The following KIF13B variants were observed in gnomAD, a reference collection of about 807,000 sequenced individuals.
KIF13B encodes kinesin-like protein KIF13B.
Under a neutral mutation model 222.0 loss-of-function variants are expected in KIF13B, and 127 were observed. The observed-to-expected ratio is 0.57, with a 90% CI of 0.50 to 0.66. KIF13B has a LOEUF of 0.66. Ranked by LOEUF, KIF13B falls within the 30% of genes least tolerant of loss-of-function variation. The probability of loss-of-function intolerance (pLI) is 0.00; values close to 1 mark genes in which losing one functional copy is unlikely to be tolerated. For missense variants in KIF13B, 2,173 were observed against 2,379.0 expected, an observed-to-expected ratio of 0.91 and a Z score of 1.80; for synonymous variants, 976 against 919.0, an observed-to-expected ratio of 1.06 and a Z score of -1.12.
intron 11 of KIF13B, among the ~76,000 whole-genome samples, chr8:29,166,522 T>G (rs573422917): frequency 5.9e-5 from 9 of 152,024 alleles, no homozygotes; most frequent in Admixed American, 2.0e-4. Flanking sequence ...CTGACCAACA[T>G]GGAGAAACCC....
At chr8:29,216,945 GA>G (rs1186124735) in intron 2 of KIF13B, among the ~76,000 whole-genome samples, 10 of 150,586 alleles carry the variant, frequency 6.6e-5, no homozygotes, top group African/African-American at 2.5e-4. Flanking sequence ...TGTGTCCATC[GA>G]CGTATATTCA....
intron 2 of KIF13B, among the ~76,000 whole-genome samples, chr8:29,213,437 A>G (rs747510994): frequency 7.9e-5 from 12 of 152,236 alleles, no homozygotes; most frequent in Non-Finnish European, 1.6e-4. Context: ...GTCCACAATT[A>G]AATACAGGCA....
intron 13 of KIF13B, among the ~76,000 whole-genome samples, chr8:29,159,555 T>C (rs1226222950): frequency 6.6e-6 from 1 of 152,222 alleles, no homozygotes; most frequent in Non-Finnish European, 1.5e-5. Context: ...TGTATAGTGC[T>C]TCTGTTTACG....
At chr8:29,115,742 C>T (rs1315146646) in intron 31 of KIF13B, among the ~76,000 whole-genome samples, 1 of 152,224 alleles carries the variant, frequency 6.6e-6, no homozygotes, top group African/African-American at 2.4e-5. Flanking sequence ...ACCCCCAGCA[C>T]ATGGAGCTCC....
intron 15 of KIF13B, among the ~76,000 whole-genome samples, chr8:29,149,545 C>A (rs1460605737): frequency 2.0e-5 from 3 of 152,144 alleles, no homozygotes; most frequent in Admixed American, 6.5e-5. Flanking sequence ...CTTTCTCAGC[C>A]CCCTTTGTAG....
At chr8:29,158,003 G>A (rs989529239) in intron 13 of KIF13B, among the ~76,000 whole-genome samples, 1 of 151,988 alleles carries the variant, frequency 6.6e-6, no homozygotes, top group African/African-American at 2.4e-5. Context: ...CAGCTACATC[G>A]GCCTCCCATC....
intron 35 of KIF13B, among the ~76,000 whole-genome samples, chr8:29,104,116 A>G (rs1265921476): frequency 1.3e-5 from 2 of 151,948 alleles, no homozygotes; most frequent in Non-Finnish European, 1.5e-5. Flanking sequence ...CCGCCACCTC[A>G]GTGCACCTCA....
chr8:29,070,600 C>T lies in KIF13B; in HGVS notation c.5385G>A (p.Ser1795=), dbSNP rs1563674564. 1.6e-5 allele frequency: 26 copies of T among 1,593,818 alleles called. 1 individual carries two copies. The South Asian group carries it at 2.0e-4, about 12-fold the overall frequency. Residue 1795 remains serine, a synonymous_variant, in exon 40 of 40, where the codon TCG becomes TCA. Transcript: ENST00000524189. The surrounding 1 kb of genome is among the most constrained non-coding windows in gnomAD (Gnocchi z 4.1). ...GCGAGGCCAGGTTGGTGGCGGAGCC[C>T]GAGAGGGTGGCGCTCCGGCGGGCCT... ...APEARRSATL[S]GSATNLASLT...
intron 15 of KIF13B, among the ~76,000 whole-genome samples, 183 bp from the exon 16 acceptor site, chr8:29,148,950 C>G (rs922445300): frequency 2.0e-5 from 3 of 152,140 alleles, no homozygotes; most frequent in Non-Finnish European, 4.4e-5. Context: ...CAAAAACTTA[C>G]AACAGAAAGT....
At chr8:29,112,313 A>C (rs570138574) in intron 32 of KIF13B, among the ~76,000 whole-genome samples, 12 of 151,704 alleles carry the variant, frequency 7.9e-5, no homozygotes, top group Non-Finnish European at 1.0e-4. Context: ...CGTGCCTGTA[A>C]TCCCAGCTAC....
chr8:29,242,471 T>C (rs1350377209), intron 2 of KIF13B, among the ~76,000 whole-genome samples: 5 of 152,362 alleles, frequency 3.3e-5, no homozygotes, highest in East Asian at 3.9e-4. Context: ...TTTAGAAATA[T>C]ACTGCTGACA....
Position 29,191,074 on chromosome 8 carries a change from TAA to T in KIF13B, c.163-19_163-18del, listed in dbSNP as rs752449877. 5.7e-6 allele frequency: 9 copies of T among 1,590,542 alleles called. No individual in the cohort carries two copies. The African/African-American group carries it at 9.4e-5, about 17-fold the overall frequency. On this transcript the variant is annotated intron_variant, in intron 3 of 39. Coordinates refer to ENST00000524189, the MANE Select transcript of KIF13B (RefSeq NM_015254.4). Reference sequence around the variant, plus strand: ...AGCAAACACCTGTTGAAAATGAACATAAGTGTGTGTTAAGAAAACCTCAACAT... The same window carrying T: ...AGCAAACACCTGTTGAAAATGAACATGTGTGTGTTAAGAAAACCTCAACAT...
chr8:29,240,045 A>G (rs1586971816), intron 2 of KIF13B, among the ~76,000 whole-genome samples: 2 of 152,076 alleles, frequency 1.3e-5, no homozygotes, highest in South Asian at 2.1e-4. Context: ...AGGAAAAAAA[A>G]AAAAAGAAAG....
At chr8:29,117,896 G>A (rs1046607755) in intron 30 of KIF13B, among the ~76,000 whole-genome samples, 13 of 151,200 alleles carry the variant, frequency 8.6e-5, no homozygotes, top group African/African-American at 2.9e-4. Flanking sequence ...GGTGGCTCAT[G>A]TCTGTCATCC....
At chr8:29,148,500 C>T (rs766582936) in intron 16 of KIF13B, 77 bp downstream of exon 16, 17 of 1,106,672 alleles carry the variant, frequency 1.5e-5, no homozygotes, top group Non-Finnish European at 2.0e-5. Context: ...GCCTGGAACT[C>T]CTGGGCTCAA....
rs146356309 is a variant in KIF13B at position 29,190,744 on chromosome 8, C to T, written c.223+253G>A. 8.4e-4 allele frequency: 383 copies of T among 458,244 alleles called. 1 individual carries two copies. The highest frequency in any genetic ancestry group is 7.0e-3 in the East Asian group (170 of 24,184). The allele number at this position is 458,244 out of a possible 1,614,324, so 28.4% of individuals were successfully genotyped here. ...CTGAGCCCTCAGTCTGTGGATCTGA[C>T]GCTGTCCCCAGGTAGAGAGCATCGG... On this transcript the variant is annotated intron_variant, in intron 4 of 39. Transcript: ENST00000524189.
intron 2 of KIF13B, among the ~76,000 whole-genome samples, chr8:29,234,596 A>G (rs1743163310): frequency 6.7e-6 from 1 of 149,834 alleles, no homozygotes; most frequent in South Asian, 2.2e-4. Flanking sequence ...TGGTTACACA[A>G]CATTATGAAT....
Position 29,181,995 on chromosome 8 carries a change from G to A in KIF13B, c.509C>T (p.Thr170Met), listed in dbSNP as rs778544096. The A allele has an allele frequency of 3.7e-6, 6 of 1,612,422 alleles. No homozygotes were observed. Among genetic ancestry groups the A allele is most frequent in the African/African-American group, 2.7e-5 (2 of 74,842 alleles). ...DLLDPKGSRQTLKVREHSVLG... is the reference protein window; with the variant it reads ...DLLDPKGSRQMLKVREHSVLG... Reference sequence around the variant, plus strand: ...CACACTATGCTCTCTGACTTTCAACGTCTGACGGCTTCTGTTCATGAAAAA... The same window carrying A: ...CACACTATGCTCTCTGACTTTCAACATCTGACGGCTTCTGTTCATGAAAAA... Residue 170 changes from threonine (T) to methionine (M), a missense_variant, in exon 7 of 40, where the codon ACG becomes ATG. Around this residue, in one of 2 missense-constraint regions of KIF13B, gnomAD observed 1,480 missense variants for 1,722.8 expected, o/e 0.86. Transcript: ENST00000524189.
intron 18 of KIF13B, among the ~76,000 whole-genome samples, chr8:29,143,546 A>T (rs1810914131): frequency 6.6e-6 from 1 of 152,128 alleles, no homozygotes; most frequent in Admixed American, 6.5e-5. Context: ...TGAGTTATTC[A>T]CTTTAAAATA....
Sources: gnomAD v4.1 joint callset for allele counts (sites outside exome capture counted in the v4.1 genomes callset) on GRCh38, gnomAD v4.1.1 for gene constraint, gnomAD v4.1.1 regional missense constraint, Gnocchi (gnomAD v3.1) non-coding constraint, MANE v1.5 for transcripts, NCBI Gene and HGNC (gene_info 2026-07-23, HGNC 2026-07-21) for gene names.